The following NOS1AP variants were observed in gnomAD, a reference collection of about 807,000 sequenced individuals.
NOS1AP encodes the protein carboxyl-terminal PDZ ligand of neuronal nitric oxide synthase protein.
Under a neutral mutation model 56.2 loss-of-function variants are expected in NOS1AP, and 21 were observed. That is an observed-to-expected ratio of 0.37 (90% CI 0.26 to 0.54). The LOEUF (loss-of-function observed/expected upper bound fraction) is 0.54, where lower values mean the gene tolerates loss of function less well. Ranked by LOEUF, NOS1AP falls within the 20% of genes least tolerant of loss-of-function variation. The pLI is 0.84. For missense variants in NOS1AP, 522 were observed against 657.8 expected, an observed-to-expected ratio of 0.79 and a Z score of 2.26; for synonymous variants, 270 against 274.6, an observed-to-expected ratio of 0.98 and a Z score of 0.17.
chr1:162,128,357 G>C (rs1239615905), intron 1 of NOS1AP, among the ~76,000 whole-genome samples: 1 of 151,818 alleles, frequency 6.6e-6, no homozygotes, highest in Non-Finnish European at 1.5e-5. Flanking sequence ...ACTTTCTATT[G>C]TGTTGCATTT....
At chr1:162,165,883 C>T (rs1397502340) in intron 2 of NOS1AP, among the ~76,000 whole-genome samples, 3 of 152,130 alleles carry the variant, frequency 2.0e-5, no homozygotes, top group Non-Finnish European at 4.4e-5. Flanking sequence ...CCCAAAGGCA[C>T]CTTAAATTCA....
chr1:162,130,590 G>T (rs1648707915), intron 1 of NOS1AP, among the ~76,000 whole-genome samples: 1 of 152,148 alleles, frequency 6.6e-6, no homozygotes, highest in Non-Finnish European at 1.5e-5. Context: ...GGCCATCTCT[G>T]CTGAGGTTCC....
At chr1:162,180,004 G>A (rs4657160) in intron 2 of NOS1AP, among the ~76,000 whole-genome samples, 5,380 of 152,278 alleles carry the variant, frequency 0.035, 138 homozygotes, top group Non-Finnish European at 0.049. Context: ...AGCCATGACA[G>A]TGGGAATGGA....
intron 2 of NOS1AP, among the ~76,000 whole-genome samples, chr1:162,186,846 A>C (rs1197651909): frequency 6.6e-6 from 1 of 152,272 alleles, no homozygotes; most frequent in Admixed American, 6.5e-5. Flanking sequence ...CAACCCGAGC[A>C]GACTGACACT....
chr1:162,251,662 G>A (rs927656210), intron 2 of NOS1AP, among the ~76,000 whole-genome samples: 4 of 150,424 alleles, frequency 2.7e-5, no homozygotes, highest in Non-Finnish European at 4.4e-5. Flanking sequence ...ATATATATAT[G>A]TGTGTGTGTA....
intron 2 of NOS1AP, among the ~76,000 whole-genome samples, chr1:162,285,386 T>G (rs988095354): frequency 7.2e-5 from 11 of 152,206 alleles, no homozygotes; most frequent in Non-Finnish European, 1.3e-4. Flanking sequence ...ACTTGCAGAT[T>G]GTAATGCCGG....
chr1:162,318,814 G>A (rs1656317667), intron 4 of NOS1AP, among the ~76,000 whole-genome samples: 1 of 151,854 alleles, frequency 6.6e-6, no homozygotes, highest in South Asian at 2.1e-4. Context: ...AATCTGACCT[G>A]TCCAGAGCCA....
chr1:162,366,936 C>T (rs776508037), intron 9 of NOS1AP, 116 bp from the exon 10 acceptor site: 124 of 1,163,518 alleles, frequency 1.1e-4, no homozygotes, highest in Non-Finnish European at 1.5e-4. Context: ...CGGAGAGGTG[C>T]TGCTAAGCTG....
rs75920501 is a variant in NOS1AP, at chr1:162,081,308, G to C, written c.105+11026G>C. Among the ~76,000 whole-genome samples the C allele has an allele frequency of 4.5e-3, 687 of 152,218 alleles. 7 individuals carry two copies. Among genetic ancestry groups the C allele is most frequent in the African/African-American group, 0.015 (638 of 41,522 alleles). On this transcript the variant is annotated intron_variant, in intron 1 of 9. Coordinates refer to ENST00000361897, the MANE Select transcript of NOS1AP (RefSeq NM_014697.3). ...CCGGGACCCAGGTCTGCTGTTCTGT[G>C]CCATTGGGCAACGGGTCACCTGTAA... is the stretch of plus-strand genomic sequence containing the variant.
chr1:162,144,143 T>C (rs1023173973), intron 1 of NOS1AP, among the ~76,000 whole-genome samples: 1 of 152,258 alleles, frequency 6.6e-6, no homozygotes, highest in Non-Finnish European at 1.5e-5. Context: ...CACTGATGTG[T>C]TTTTGACCTT....
intron 1 of NOS1AP, among the ~76,000 whole-genome samples, chr1:162,126,538 T>A (rs1648497997): frequency 1.3e-5 from 2 of 151,856 alleles, no homozygotes; most frequent in South Asian, 4.1e-4. Context: ...TTTTTCTCTC[T>A]GTAATTTTTT....
At chr1:162,294,224 G>GAAGGAAGGAAGGAAGA (rs1297513880) in intron 3 of NOS1AP, among the ~76,000 whole-genome samples, 144 of 149,836 alleles carry the variant, frequency 9.6e-4, no homozygotes, top group African/African-American at 3.3e-3. Flanking sequence ...AGGAAGGAAG[G>GAAGGAAGGAAGGAAGA]AAGAAAGAAA....
At chr1:162,151,528 A>T (rs1649705836) in intron 1 of NOS1AP, among the ~76,000 whole-genome samples, 1 of 152,064 alleles carries the variant, frequency 6.6e-6, no homozygotes, top group Middle Eastern at 3.4e-3. Context: ...AAATTTTAGG[A>T]TTGTTTTTTC....
chr1:162,204,551 G>T (rs748809793), intron 2 of NOS1AP, among the ~76,000 whole-genome samples: 1 of 152,222 alleles, frequency 6.6e-6, no homozygotes, highest in Non-Finnish European at 1.5e-5. Flanking sequence ...TCCGAACACA[G>T]TTCACAGTTA....
intron 2 of NOS1AP, among the ~76,000 whole-genome samples, chr1:162,235,270 C>G (rs754427882): frequency 1.2e-4 from 18 of 152,220 alleles, no homozygotes; most frequent in Non-Finnish European, 1.6e-4. Context: ...CTCCCCACAA[C>G]AAATCATTTT....
chr1:162,322,591 T>A (rs1370633535), intron 4 of NOS1AP, among the ~76,000 whole-genome samples: 1 of 152,182 alleles, frequency 6.6e-6, no homozygotes, highest in East Asian at 1.9e-4. Flanking sequence ...GCTTATGATG[T>A]GTATCATATC....
intron 2 of NOS1AP, among the ~76,000 whole-genome samples, chr1:162,230,670 A>G (rs1161474227): frequency 6.6e-6 from 1 of 152,160 alleles, no homozygotes; most frequent in Admixed American, 6.6e-5. Context: ...TCCCTGCAAC[A>G]CCAGTTAACC....
At position 162,146,155 on chromosome 1, in the gene NOS1AP, C is replaced by T. The variant is rs946779905; in HGVS notation, c.106-8250C>T. On this transcript the variant is annotated intron_variant, in intron 1 of 9. Transcript: ENST00000361897. ...TTTCTGGGGGCCCTGTCCTTTCCTG[C>T]GGCCTTGCCTGCGCTAGCTAGTCAC... Among the ~76,000 whole-genome samples, 20 of 152,070 alleles carry T rather than the reference C, an allele frequency of 1.3e-4. 1 individual carries two copies. Among genetic ancestry groups the T allele is most frequent in the African/African-American group, 4.8e-4 (20 of 41,350 alleles).
intron 2 of NOS1AP, among the ~76,000 whole-genome samples, chr1:162,161,909 T>C (rs528999144): frequency 6.6e-6 from 1 of 152,354 alleles, no homozygotes; most frequent in East Asian, 1.9e-4. Context: ...TATTATTAAA[T>C]ACATGAATTC....
Sources: gnomAD v4.1 joint callset for allele counts (sites outside exome capture counted in the v4.1 genomes callset) on GRCh38, gnomAD v4.1.1 for gene constraint, MANE v1.5 for transcripts, NCBI Gene and HGNC (gene_info 2026-07-23, HGNC 2026-07-21) for gene names.